The following SMYD3 variants were observed in gnomAD, a reference collection of about 807,000 sequenced individuals.
The protein encoded by SMYD3 is SET and MYND domain containing 3.
SMYD3 carries 36 observed loss-of-function variants against 57.7 expected under a neutral mutation model. The observed-to-expected ratio is 0.62, with a 90% CI of 0.48 to 0.82. The LOEUF (loss-of-function observed/expected upper bound fraction) is 0.82. Among genes scored for constraint, SMYD3 ranks in the 40% least tolerant of loss-of-function variants. SMYD3 has a pLI of 0.00. For synonymous variants in SMYD3, 211 were observed against 195.0 expected (o/e 1.08, Z -0.68); for missense variants, 515 against 538.8 (o/e 0.96, Z 0.44).
intron 1 of SMYD3, among the ~76,000 whole-genome samples, chr1:246,492,053 A>T (rs892826169): frequency 2.0e-5 from 3 of 152,112 alleles, no homozygotes; most frequent in East Asian, 3.9e-4. Flanking sequence ...AAGTAAGAAT[A>T]AAAAAAACTG....
At chr1:246,041,569 T>C (rs753811385) in intron 5 of SMYD3, among the ~76,000 whole-genome samples, 2 of 152,138 alleles carry the variant, frequency 1.3e-5, no homozygotes, top group Non-Finnish European at 2.9e-5. Context: ...GGGCCCTACG[T>C]CGTATGCACA....
At chr1:246,246,959 G>C (rs2063714422) in intron 5 of SMYD3, among the ~76,000 whole-genome samples, 1 of 152,030 alleles carries the variant, frequency 6.6e-6, no homozygotes, top group Non-Finnish European at 1.5e-5. Flanking sequence ...ATAATATTCA[G>C]CATATTTCTT....
intron 10 of SMYD3, among the ~76,000 whole-genome samples, chr1:245,787,223 C>T (rs1002344402): frequency 1.3e-5 from 2 of 152,204 alleles, no homozygotes; most frequent in Non-Finnish European, 2.9e-5. Context: ...CAAATTACAG[C>T]TATTTTTGCT....
At chr1:245,855,857 A>C (rs185945404) in intron 10 of SMYD3, among the ~76,000 whole-genome samples, 16 of 152,354 alleles carry the variant, frequency 1.1e-4, no homozygotes, top group Non-Finnish European at 1.2e-4. Context: ...AATCATCAAG[A>C]AAGACTTGAC....
intron 5 of SMYD3, among the ~76,000 whole-genome samples, chr1:245,982,244 C>T (rs1348481474): frequency 1.3e-5 from 2 of 152,206 alleles, no homozygotes; most frequent in Non-Finnish European, 2.9e-5. Flanking sequence ...AAGTGATCCT[C>T]TGGTCTCAGC....
At chr1:245,854,857 G>A (rs565514999) in intron 10 of SMYD3, among the ~76,000 whole-genome samples, 5 of 152,026 alleles carry the variant, frequency 3.3e-5, no homozygotes, top group African/African-American at 1.2e-4. Context: ...GGGGAAGCAG[G>A]GCTTTAAAAA....
At chr1:245,760,139 G>C (rs2148036428) in intron 11 of SMYD3, among the ~76,000 whole-genome samples, 1 of 152,338 alleles carries the variant, frequency 6.6e-6, no homozygotes, top group Non-Finnish European at 1.5e-5. Flanking sequence ...GCTGGGCTAA[G>C]TGGATTCCTT....
chr1:246,390,688 TAATC>T (rs771742675), intron 1 of SMYD3, among the ~76,000 whole-genome samples: 1 of 152,172 alleles, frequency 6.6e-6, no homozygotes, highest in Non-Finnish European at 1.5e-5. Context: ...TGACAACATA[TAATC>T]AATACAAAAA....
intron 5 of SMYD3, among the ~76,000 whole-genome samples, chr1:246,012,659 C>T (rs116268249): frequency 2.6e-5 from 4 of 152,294 alleles, no homozygotes; most frequent in Admixed American, 1.3e-4. Context: ...CCCATACCCA[C>T]GCCCCTCCCC....
chr1:246,143,464 C>G (rs1036211229), intron 5 of SMYD3, among the ~76,000 whole-genome samples: 5 of 152,102 alleles, frequency 3.3e-5, no homozygotes, highest in Admixed American at 2.6e-4. Flanking sequence ...ATAGCTTGTT[C>G]AAGACCAACC....
At chr1:246,402,912 T>A (rs1013462425) in intron 1 of SMYD3, among the ~76,000 whole-genome samples, 2 of 152,190 alleles carry the variant, frequency 1.3e-5, no homozygotes, top group African/African-American at 4.8e-5. Context: ...TGAAAATAAA[T>A]TTTCAATCTA....
chr1:246,096,357 C>G (rs1318565270), intron 5 of SMYD3: 2 of 152,192 alleles, frequency 1.3e-5, no homozygotes, highest in Non-Finnish European at 1.5e-5. Flanking sequence ...CAGTGGGCAG[C>G]TGTGGGCTCG....
At chr1:246,425,866 T>C (rs2067210621) in intron 1 of SMYD3, 1 of 152,246 alleles carries the variant, frequency 6.6e-6, no homozygotes, top group Non-Finnish European at 1.5e-5. Context: ...TGTTCAGTTC[T>C]ACTTTCGGGC....
chr1:246,200,093 C>T (rs79450571), intron 5 of SMYD3, among the ~76,000 whole-genome samples: 48 of 4,922 alleles, frequency 9.8e-3, no homozygotes, highest in Admixed American at 0.045. Flanking sequence ...ACAGCATAGA[C>T]GCTGAGGTAG....
chr1:246,025,436 C>T (rs1281143733), intron 5 of SMYD3, among the ~76,000 whole-genome samples: 1 of 152,204 alleles, frequency 6.6e-6, no homozygotes, highest in Non-Finnish European at 1.5e-5. Flanking sequence ...GTCCCAAACA[C>T]AAAGACGTCT....
At chr1:245,752,846 AG>A (rs1405691242) in intron 11 of SMYD3, among the ~76,000 whole-genome samples, 1 of 152,228 alleles carries the variant, frequency 6.6e-6, no homozygotes, top group South Asian at 2.1e-4. Context: ...ATGTTATGGA[AG>A]GAAGTGCTTC....
chr1:246,460,476 A>G (rs1176061348), intron 1 of SMYD3, among the ~76,000 whole-genome samples: 1 of 152,214 alleles, frequency 6.6e-6, no homozygotes, highest in Non-Finnish European at 1.5e-5. Context: ...CATCACAAGA[A>G]ATTAAATATT....
chr1:246,221,263 G>A (rs2063249989), intron 5 of SMYD3, among the ~76,000 whole-genome samples: 3 of 152,172 alleles, frequency 2.0e-5, no homozygotes, highest in Admixed American at 2.0e-4. Flanking sequence ...GAGAGGACCT[G>A]CCCACTGTGG....
intron 5 of SMYD3, among the ~76,000 whole-genome samples, chr1:246,003,367 A>T (rs1249248034): frequency 1.3e-5 from 2 of 152,172 alleles, no homozygotes; most frequent in Non-Finnish European, 1.5e-5. Context: ...GACCTAATCA[A>T]ACTCTTTTAG....
Sources: gnomAD v4.1 joint callset for allele counts (sites outside exome capture counted in the v4.1 genomes callset) on GRCh38, gnomAD v4.1.1 for gene constraint, MANE v1.5 for transcripts, NCBI Gene and HGNC (gene_info 2026-07-23, HGNC 2026-07-21) for gene names.